KCNQ4: variants seen among roughly 807,000 people sequenced by gnomAD.
The protein encoded by KCNQ4 is potassium voltage-gated channel subfamily Q member 4.
In KCNQ4, 31 loss-of-function variants were observed where a neutral mutation model predicts 72.6. The observed-to-expected ratio is 0.43, with a 90% CI of 0.32 to 0.58. KCNQ4 has a LOEUF of 0.58. Ranked by LOEUF, KCNQ4 falls within the 20% of genes least tolerant of loss-of-function variation. The pLI, the probability that KCNQ4 is intolerant of heterozygous loss-of-function variation, is 0.08. For missense variants in KCNQ4, 869 were observed against 962.6 expected, an observed-to-expected ratio of 0.90 and a Z score of 1.29; for synonymous variants, 405 against 403.7, an observed-to-expected ratio of 1.00 and a Z score of -0.04.
intron 1 of KCNQ4, among the ~76,000 whole-genome samples, chr1:40,787,964 C>T (rs1199359194): frequency 2.6e-5 from 4 of 152,186 alleles, no homozygotes; most frequent in Admixed American, 6.5e-5. Context: ...CCCCAGGGCC[C>T]AGCAGACTTT....
chr1:40,789,195 C>T (rs981356409), intron 1 of KCNQ4, among the ~76,000 whole-genome samples: 1 of 152,146 alleles, frequency 6.6e-6, no homozygotes, highest in African/African-American at 2.4e-5. Context: ...GCGTTTGCTC[C>T]TCCTGGGGGG....
intron 1 of KCNQ4, among the ~76,000 whole-genome samples, chr1:40,806,498 AG>A: frequency 6.6e-6 from 1 of 152,230 alleles, no homozygotes; most frequent in African/African-American, 2.4e-5. Context: ...ACAAGTCGGA[AG>A]GTTTGGGGCT....
intron 1 of KCNQ4, among the ~76,000 whole-genome samples, chr1:40,806,809 C>G (rs987917519): frequency 6.6e-6 from 1 of 152,202 alleles, no homozygotes; most frequent in Non-Finnish European, 1.5e-5. Flanking sequence ...CTCTCTGCAC[C>G]TCTGCCAACT....
In KCNQ4 at chr1:40,835,110, G is replaced by C; in HGVS notation, c.1745+12G>C. 1.2e-6 allele frequency: 2 copies of C among 1,611,020 alleles called. No homozygotes were observed. The highest frequency in any genetic ancestry group is 1.7e-6 in the Non-Finnish European group (2 of 1,177,740). On this transcript the variant is annotated intron_variant, in intron 12 of 13. Coordinates refer to ENST00000347132, the MANE Select transcript of KCNQ4 (RefSeq NM_004700.4). ...AGCCTGCAAACTCGGTGGGTGCACC[G>C]GGCCTGTTGGGAGGCAGGGGCAGGG...
chr1:40,813,117 C>A (rs1262548190), intron 1 of KCNQ4, among the ~76,000 whole-genome samples: 1 of 152,168 alleles, frequency 6.6e-6, no homozygotes, highest in Non-Finnish European at 1.5e-5. Context: ...TGCAGTGAGC[C>A]AGCAGGAGAG....
Position 40,817,241 on chromosome 1 carries a change from C to G in KCNQ4, c.315-24C>G. The G allele has an allele frequency of 1.3e-6, 2 of 1,596,100 alleles. No homozygotes were observed. Among genetic ancestry groups the G allele is most frequent in the African/African-American group, 1.3e-5 (1 of 74,746 alleles). On this transcript the variant is annotated intron_variant, in intron 1 of 13. Coordinates refer to ENST00000347132, the MANE Select transcript of KCNQ4 (RefSeq NM_004700.4). This position sits in a 1 kb window ranked among gnomAD's most constrained non-coding sequence, Gnocchi z 5.5. ...GTCCTGTCCCTCCAACAATCTAACCCTCTCCCTCATGTTGTAATTGCAGAT... is the reference window on the plus strand; with the variant it reads ...GTCCTGTCCCTCCAACAATCTAACCGTCTCCCTCATGTTGTAATTGCAGAT...
chr1:40,828,429 C>G lies in KCNQ4; in HGVS notation c.1293-2655C>G, dbSNP rs374973206. Among the ~76,000 whole-genome samples, 35 of 152,330 alleles carry G rather than the reference C, an allele frequency of 2.3e-4. No homozygotes were observed. In the East Asian group the frequency reaches 4.6e-3, roughly 20 times the overall value. On this transcript the variant is annotated intron_variant, in intron 9 of 13. Coordinates refer to ENST00000347132, the MANE Select transcript of KCNQ4 (RefSeq NM_004700.4). ...CCTCTACCTACTAGATGTCTACCTACTAGACATTGCCACATGTCCCCTGAG... is the reference window on the plus strand; with the variant it reads ...CCTCTACCTACTAGATGTCTACCTAGTAGACATTGCCACATGTCCCCTGAG...
At chr1:40,796,025 T>C (rs571338685) in intron 1 of KCNQ4, among the ~76,000 whole-genome samples, 2 of 152,310 alleles carry the variant, frequency 1.3e-5, no homozygotes, top group South Asian at 4.1e-4. Context: ...ACTGCCCTTG[T>C]CACACAGCCA....
intron 1 of KCNQ4, among the ~76,000 whole-genome samples, chr1:40,785,176 C>T (rs2148831173): frequency 6.6e-6 from 1 of 152,222 alleles, no homozygotes; most frequent in Non-Finnish European, 1.5e-5. Flanking sequence ...GAAACACTGA[C>T]GCTGCTGGGG....
chr1:40,824,270 G>C lies in KCNQ4; in HGVS notation c.1292+12G>C. ...TGCCCTGGGGAAAGGTAGGGGCCCCGTGGGGCTGCCACCTCCTCTTGCTTC... is the reference window on the plus strand; with the variant it reads ...TGCCCTGGGGAAAGGTAGGGGCCCCCTGGGGCTGCCACCTCCTCTTGCTTC... On this transcript the variant is annotated intron_variant, in intron 9 of 13. Transcript: ENST00000347132. The C allele has an allele frequency of 6.2e-7, 1 of 1,603,776 alleles. No homozygotes were observed. The highest frequency in any genetic ancestry group is 1.7e-5 in the Admixed American group (1 of 59,456).
Position 40,788,611 on chromosome 1 carries a change from C to T in KCNQ4, c.314+4204C>T, listed in dbSNP as rs543215323. Reference sequence around the variant, plus strand: ...CAGTTAATGTGGAAGAGCCTCAGCCCGGAGCGGGGGCTGACTGGGAGCTGT... The same window carrying T: ...CAGTTAATGTGGAAGAGCCTCAGCCTGGAGCGGGGGCTGACTGGGAGCTGT... On this transcript the variant is annotated intron_variant, in intron 1 of 13. Coordinates refer to ENST00000347132, the MANE Select transcript of KCNQ4 (RefSeq NM_004700.4). This position sits in a 1 kb window ranked among gnomAD's most constrained non-coding sequence, Gnocchi z 4.5. 7.2e-4 allele frequency among the ~76,000 whole-genome samples: 110 copies of T among 152,276 alleles called. 1 individual carries two copies. Among genetic ancestry groups the T allele is most frequent in the African/African-American group, 2.5e-3 (104 of 41,548 alleles).
chr1:40,805,971 A>G (rs998181537), intron 1 of KCNQ4, among the ~76,000 whole-genome samples: 2 of 151,974 alleles, frequency 1.3e-5, no homozygotes, highest in Non-Finnish European at 2.9e-5. Context: ...CCTCTGGAGT[A>G]GCTGGGACTA....
intron 9 of KCNQ4, among the ~76,000 whole-genome samples, chr1:40,828,941 T>G (rs1648559864): frequency 6.6e-6 from 1 of 152,236 alleles, no homozygotes; most frequent in Non-Finnish European, 1.5e-5. Context: ...CAAACCAGAC[T>G]GGAAGCTTCC....
chr1:40,801,276 T>G (rs1396422536), intron 1 of KCNQ4, among the ~76,000 whole-genome samples: 5 of 152,124 alleles, frequency 3.3e-5, no homozygotes, highest in Non-Finnish European at 7.4e-5. Context: ...GGACCACATC[T>G]CCTATCTCCT....
intron 1 of KCNQ4, among the ~76,000 whole-genome samples, chr1:40,789,573 C>T (rs878871027): frequency 3.3e-5 from 5 of 152,130 alleles, no homozygotes; most frequent in Admixed American, 1.3e-4. Context: ...CGCTCCTTTG[C>T]CTCCTTCTTC....
intron 1 of KCNQ4, among the ~76,000 whole-genome samples, chr1:40,812,719 G>A (rs1037588353): frequency 1.3e-5 from 2 of 152,150 alleles, no homozygotes; most frequent in Non-Finnish European, 2.9e-5. Context: ...GGTCAGAGGC[G>A]TTACTTTTTA....
intron 1 of KCNQ4, among the ~76,000 whole-genome samples, chr1:40,810,653 G>A (rs371957802): frequency 5.3e-4 from 81 of 152,280 alleles, no homozygotes; most frequent in African/African-American, 1.7e-3. Context: ...AGAGAGAGCC[G>A]TGGACACTGG....
intron 9 of KCNQ4, among the ~76,000 whole-genome samples, chr1:40,830,147 G>A (rs948596508): frequency 3.3e-5 from 5 of 152,258 alleles, no homozygotes; most frequent in South Asian, 2.1e-4. Context: ...GATCTTTAGC[G>A]GGGATCCAAG....
chr1:40,800,139 C>T (rs951466272), intron 1 of KCNQ4, among the ~76,000 whole-genome samples: 4 of 152,136 alleles, frequency 2.6e-5, no homozygotes, highest in Non-Finnish European at 4.4e-5. Flanking sequence ...GCTGTCAGAG[C>T]AGCCCTAGGC....
Sources: gnomAD v4.1 joint callset for allele counts (sites outside exome capture counted in the v4.1 genomes callset) on GRCh38, gnomAD v4.1.1 for gene constraint, Gnocchi (gnomAD v3.1) non-coding constraint, MANE v1.5 for transcripts, NCBI Gene and HGNC (gene_info 2026-07-23, HGNC 2026-07-21) for gene names.